The following RALGAPA1 variants were observed in gnomAD, a reference collection of about 807,000 sequenced individuals.
The protein encoded by RALGAPA1 is Ral GTPase activating protein catalytic subunit alpha 1.
In RALGAPA1, 52 loss-of-function variants were observed where a neutral mutation model predicts 269.6. The ratio of observed to expected loss-of-function variants is 0.19; its 90% confidence interval spans 0.15 to 0.24. The LOEUF is 0.24. Among genes scored for constraint, RALGAPA1 ranks in the 10% least tolerant of loss-of-function variants. The pLI, the probability that RALGAPA1 is intolerant of heterozygous loss-of-function variation, is 1.00. For missense variants in RALGAPA1, 1,917 were observed against 3,013.9 expected (o/e 0.64, Z 8.52); for synonymous variants, 817 against 1,008.3 (o/e 0.81, Z 3.60).
chr14:35,620,664 T>C (rs879644845), intron 35 of RALGAPA1, among the ~76,000 whole-genome samples: 2 of 152,148 alleles, frequency 1.3e-5, no homozygotes, highest in African/African-American at 2.4e-5. Context: ...TTCGGCAAAG[T>C]CTCAGGATAC....
intron 21 of RALGAPA1, among the ~76,000 whole-genome samples, 158 bp from the exon 22 acceptor site, chr14:35,678,260 G>A (rs1285378853): frequency 6.6e-6 from 1 of 152,040 alleles, no homozygotes; most frequent in Admixed American, 6.5e-5. Context: ...TATTATACAA[G>A]CTTTTATATC....
At chr14:35,623,687 C>T (rs759987740) in intron 35 of RALGAPA1, among the ~76,000 whole-genome samples, 15 of 152,096 alleles carry the variant, frequency 9.9e-5, no homozygotes, top group Non-Finnish European at 1.5e-5. Flanking sequence ...TATCCTGATA[C>T]GATTTGACCT....
chr14:35,751,978 T>G (rs2072754504), intron 8 of RALGAPA1, 46 bp downstream of exon 8: 1 of 1,545,350 alleles, frequency 6.5e-7, no homozygotes, highest in South Asian at 1.2e-5. Flanking sequence ...AAGAGATTAT[T>G]TTACTCTTAA....
At chr14:35,693,862 T>C (rs2066692732) in intron 17 of RALGAPA1, among the ~76,000 whole-genome samples, 1 of 152,042 alleles carries the variant, frequency 6.6e-6, no homozygotes, top group Admixed American at 6.6e-5. Flanking sequence ...AACCGGTTTT[T>C]TCCCGGAAAT....
chr14:35,756,962 A>G (rs541920715), intron 6 of RALGAPA1, 54 bp from the exon 7 acceptor site: 1 of 1,414,702 alleles, frequency 7.1e-7, no homozygotes, highest in Admixed American at 2.4e-5. Context: ...TAATAAAACA[A>G]TAATATAACC....
chr14:35,792,512 G>A (rs2076247717), intron 1 of RALGAPA1, among the ~76,000 whole-genome samples: 3 of 152,046 alleles, frequency 2.0e-5, no homozygotes, highest in Non-Finnish European at 4.4e-5. Context: ...GCTGGGCATG[G>A]TGGCTCATGC....
intron 30 of RALGAPA1, among the ~76,000 whole-genome samples, chr14:35,653,703 G>T (rs1170912327): frequency 1.3e-5 from 2 of 151,836 alleles, no homozygotes; most frequent in African/African-American, 4.8e-5. Context: ...TGTGAATGAT[G>T]ACTTTAAGAG....
At chr14:35,803,415 A>T (rs1354570346) in intron 1 of RALGAPA1, among the ~76,000 whole-genome samples, 1 of 152,186 alleles carries the variant, frequency 6.6e-6, no homozygotes, top group African/African-American at 2.4e-5. Context: ...AATCTTTGTG[A>T]TCATGGGTTA....
intron 1 of RALGAPA1, among the ~76,000 whole-genome samples, chr14:35,802,250 G>C (rs953413614): frequency 1.3e-5 from 2 of 152,186 alleles, no homozygotes; most frequent in East Asian, 3.9e-4. Context: ...GGAGGTTGCA[G>C]TGAGCTGAGA....
chr14:35,603,689 T>C lies in RALGAPA1; in HGVS notation c.7053+1897A>G, dbSNP rs59417359. ...CATAAAAAGGAATGGAATCCTATCATTTGCAGAAGCATGGATAGAATTGGA... is the reference window on the plus strand; with the variant it reads ...CATAAAAAGGAATGGAATCCTATCACTTGCAGAAGCATGGATAGAATTGGA... On this transcript the variant is annotated intron_variant, in intron 36 of 41. Coordinates refer to ENST00000680220, the MANE Select transcript of RALGAPA1 (RefSeq NM_001346249.2). Among the ~76,000 whole-genome samples, 1,194 of 152,270 alleles carry C rather than the reference T, an allele frequency of 7.8e-3. 16 individuals are homozygous for C. The highest frequency in any genetic ancestry group is 0.027 in the African/African-American group (1,127 of 41,570).
At chr14:35,758,243 C>CAAAAAAAAAAAAA (rs66473514) in intron 6 of RALGAPA1, among the ~76,000 whole-genome samples, 4 of 49,740 alleles carry the variant, frequency 8.0e-5, no homozygotes, top group Non-Finnish European at 1.2e-4. Context: ...GACTCTGTCT[C>CAAAAAAAAAAAAA]AAAAAAAAAA....
chr14:35,740,229 T>G (rs1303406629), intron 11 of RALGAPA1, among the ~76,000 whole-genome samples: 15 of 152,208 alleles, frequency 9.9e-5, no homozygotes, highest in African/African-American at 3.4e-4. Context: ...ATGTTTGTCT[T>G]CCAGCTAAAC....
chr14:35,586,837 T>G (rs1243203511), intron 37 of RALGAPA1, among the ~76,000 whole-genome samples: 1 of 152,230 alleles, frequency 6.6e-6, no homozygotes, highest in Non-Finnish European at 1.5e-5. Flanking sequence ...ATAAGCTTTT[T>G]GTTGTGCTGC....
At chr14:35,625,546 T>C in intron 34 of RALGAPA1, 114 bp from the exon 35 acceptor site, 1 of 676,902 alleles carries the variant, frequency 1.5e-6, no homozygotes, top group Non-Finnish European at 2.5e-6. Context: ...TGCCTTTTCA[T>C]ACTTCTAACA....
chr14:35,684,305 G>A (rs2065727517), intron 20 of RALGAPA1, among the ~76,000 whole-genome samples: 1 of 152,132 alleles, frequency 6.6e-6, no homozygotes, highest in Non-Finnish European at 1.5e-5. Context: ...TAGAATTATA[G>A]CTGAATAACT....
chr14:35,634,600 G>T lies in RALGAPA1; in HGVS notation c.5969C>A (p.Ser1990Tyr). Residue 1990 changes from serine to tyrosine, a missense_variant, in exon 33 of 42, where the codon TCT becomes TAT. Physicochemically the swap from Ser to Tyr is moderately radical, Grantham distance 144. Coordinates refer to ENST00000680220, the MANE Select transcript of RALGAPA1 (RefSeq NM_001346249.2). The stretch of plus-strand genomic sequence containing the variant: ...TTCTGTTACTGGCTGGAGTTTAGAA[G>T]ATCGTTCTGAGTCAGGAGAGTGCAG... ...EPLHSPDSER[S>Y]SKLQPVTEVK... 1 of 1,612,180 alleles carries T rather than the reference G, an allele frequency of 6.2e-7. No homozygotes were observed. Among genetic ancestry groups the T allele is most frequent in the Non-Finnish European group, 8.5e-7 (1 of 1,179,026 alleles).
intron 17 of RALGAPA1, among the ~76,000 whole-genome samples, chr14:35,693,438 A>C (rs1353807903): frequency 6.6e-6 from 1 of 151,846 alleles, no homozygotes; most frequent in Non-Finnish European, 1.5e-5. Flanking sequence ...TTATATTTTA[A>C]CTTAAAAAAT....
rs112032766 is a variant in RALGAPA1 at position 35,583,819 on chromosome 14, GA to G, written c.7210-11102del. On this transcript the variant is annotated intron_variant, in intron 37 of 41. Coordinates refer to ENST00000680220, the MANE Select transcript of RALGAPA1 (RefSeq NM_001346249.2). ...TGAAATATTTAAAGTATTGAGAGAG[GA>G]AAAAAAATACCACACACCTAGAATT... Among the ~76,000 whole-genome samples the G allele has an allele frequency of 4.5e-4, 68 of 151,550 alleles. 1 individual carries two copies. Among genetic ancestry groups the G allele is most frequent in the African/African-American group, 1.4e-3 (58 of 41,366 alleles).
At chr14:35,692,607 T>C (rs1567019372) in intron 17 of RALGAPA1, among the ~76,000 whole-genome samples, 1 of 151,448 alleles carries the variant, frequency 6.6e-6, no homozygotes, top group Non-Finnish European at 1.5e-5. Flanking sequence ...TTTCTACCAA[T>C]ATTGTAGTAC....
Sources: gnomAD v4.1 joint callset for allele counts (sites outside exome capture counted in the v4.1 genomes callset) on GRCh38, gnomAD v4.1.1 for gene constraint, MANE v1.5 for transcripts, NCBI Gene and HGNC (gene_info 2026-07-23, HGNC 2026-07-21) for gene names.